Variants in DGKK observed in about 807,000 individuals in gnomAD.
The protein encoded by DGKK is diacylglycerol kinase kappa, also known as 142 kDa diacylglycerol kinase.
In DGKK, 35 loss-of-function variants were observed where a neutral mutation model predicts 92.2. The ratio of observed to expected loss-of-function variants is 0.38; its 90% CI spans 0.29 to 0.50. The LOEUF (loss-of-function observed/expected upper bound fraction) is 0.50. Among genes scored for constraint, DGKK ranks in the 20% least tolerant of loss-of-function variants. DGKK has a pLI of 0.92. For synonymous variants in DGKK, 368 were observed against 360.6 expected (o/e 1.02, Z -0.23); for missense variants, 910 against 992.2 (o/e 0.92, Z 1.11).
At chrX:50,369,428 T>C (rs1360768949) in intron 27 of DGKK, among the ~76,000 whole-genome samples, 1 of 110,504 alleles carries the variant, frequency 9.0e-6, no homozygotes, top group Non-Finnish European at 1.9e-5. Flanking sequence ...CCCTTTCTTT[T>C]TTTCTTTTTT....
intron 1 of DGKK, among the ~76,000 whole-genome samples, chrX:50,450,485 G>A (rs1926471125): frequency 8.9e-6 from 1 of 111,980 alleles, no homozygotes; most frequent in Admixed American, 9.5e-5. Flanking sequence ...TGATCCTGTT[G>A]CAGGATGACA....
Position 50,390,320 on chromosome X carries a change from G to A in DGKK, c.1926+8C>T. 1 of 1,207,185 alleles carries A rather than the reference G, an allele frequency of 8.3e-7. No individual in the cohort carries two copies. The highest frequency in any genetic ancestry group is 1.1e-6 in the Non-Finnish European group (1 of 891,483). On this transcript the variant is annotated splice_region_variant and intron_variant, in intron 12 of 27. Coordinates refer to ENST00000611977, the MANE Select transcript of DGKK (RefSeq NM_001013742.4). ...TATTGGTCTGAATTACAGCTGAACA[G>A]TAGTTACCTCAAATCGTGGTACATC...
chrX:50,386,622 A>G, intron 14 of DGKK, 36 bp from the exon 15 acceptor site: 1 of 1,124,430 alleles, frequency 8.9e-7, no homozygotes. Context: ...CATTGTTATG[A>G]GGGACCCATG....
In DGKK at chrX:50,470,592, A is replaced by T. The variant is rs1285907540; in HGVS notation, c.87T>A (p.Pro29=). ...CCGGTGGTGGTGGCGGCGGCGGCCAAGGCGGCGGAGGCTCTGGAGACTCAG... is the reference window on the plus strand; with the variant it reads ...CCGGTGGTGGTGGCGGCGGCGGCCATGGCGGCGGAGGCTCTGGAGACTCAG... ...QPAESPEPPP[P]WPPPPPPPAP... Residue 29 remains proline (P), a synonymous_variant, in exon 1 of 28, where the codon CCT becomes CCA. Transcript: ENST00000611977. The T allele has an allele frequency of 3.3e-5, 39 of 1,191,550 alleles. No individual in the cohort carries two copies. The highest frequency in any genetic ancestry group is 4.4e-5 in the Non-Finnish European group (39 of 888,838).
chrX:50,368,926 C>G lies in DGKK; in HGVS notation c.*14G>C. 1.7e-6 allele frequency: 2 copies of G among 1,198,334 alleles called. No individual in the cohort carries two copies. The highest frequency in any genetic ancestry group is 2.3e-6 in the Non-Finnish European group (2 of 886,600). ...AGAATTCTCAATGTTGTGAGTTCTTCCAGCTTTCAAGGGCTACAGTTGAGA... is the reference window on the plus strand; with the variant it reads ...AGAATTCTCAATGTTGTGAGTTCTTGCAGCTTTCAAGGGCTACAGTTGAGA... On this transcript the variant is annotated 3_prime_UTR_variant, in exon 28 of 28. Coordinates refer to ENST00000611977, the MANE Select transcript of DGKK (RefSeq NM_001013742.4).
At chrX:50,452,069 T>C (rs930182402) in intron 1 of DGKK, among the ~76,000 whole-genome samples, 1 of 111,838 alleles carries the variant, frequency 8.9e-6, no homozygotes, top group Non-Finnish European at 1.9e-5. Context: ...GATATGTCAT[T>C]TGATCCTTAG....
intron 1 of DGKK, among the ~76,000 whole-genome samples, chrX:50,426,287 C>T (rs1421675181): frequency 8.9e-6 from 1 of 111,801 alleles, no homozygotes; most frequent in Admixed American, 9.5e-5. Context: ...ATTTACACTA[C>T]TACATTCTCT....
intron 26 of DGKK, among the ~76,000 whole-genome samples, chrX:50,371,135 G>A (rs1191219729): frequency 8.9e-6 from 1 of 112,631 alleles, no homozygotes. Context: ...TGCAGGCTCT[G>A]TAATTCCAGC....
At chrX:50,384,371 G>A (rs1223233001) in intron 16 of DGKK, 107 bp from the exon 17 acceptor site, 3 of 498,549 alleles carry the variant, frequency 6.0e-6, no homozygotes, top group Non-Finnish European at 6.5e-6. Flanking sequence ...CAAGCTCAGT[G>A]ACTTTCTCCT....
In DGKK at chrX:50,411,894, A is replaced by G. The variant is rs368793761; in HGVS notation, c.943-7710T>C. Among the ~76,000 whole-genome samples the G allele has an allele frequency of 1.2e-3, 130 of 112,189 alleles. No homozygotes were observed. In the South Asian group the frequency reaches 0.046, roughly 40 times the overall value. On this transcript the variant is annotated intron_variant, in intron 4 of 27. Transcript: ENST00000611977. The stretch of plus-strand genomic sequence containing the variant: ...AGTAAAGTTGCAGGATATAAAATCA[A>G]CATACAAAAATCAGTAGCATTTTAT...
intron 1 of DGKK, among the ~76,000 whole-genome samples, chrX:50,465,948 A>G (rs1270131305): frequency 9.2e-6 from 1 of 108,662 alleles, no homozygotes; most frequent in Non-Finnish European, 1.9e-5. Context: ...AAGGAACTAT[A>G]TAATCCTTAT....
chrX:50,383,424 G>C (rs782400380), intron 17 of DGKK, among the ~76,000 whole-genome samples: 45 of 111,331 alleles, frequency 4.0e-4, no homozygotes, highest in Non-Finnish European at 7.6e-4. Context: ...GCAAGAATGC[G>C]GGTTGGAGAC....
intron 1 of DGKK, among the ~76,000 whole-genome samples, chrX:50,453,659 T>C (rs782608773): frequency 1.8e-5 from 2 of 111,457 alleles, no homozygotes; most frequent in Non-Finnish European, 3.8e-5. Context: ...TGAATATAGA[T>C]GTTCCTTCAT....
At chrX:50,461,631 C>T (rs1301967175) in intron 1 of DGKK, among the ~76,000 whole-genome samples, 1 of 111,444 alleles carries the variant, frequency 9.0e-6, no homozygotes, top group Non-Finnish European at 1.9e-5. Context: ...CAAATAACCA[C>T]CATCTGCATA....
At chrX:50,395,762 A>G (rs1336066653) in intron 8 of DGKK, among the ~76,000 whole-genome samples, 2 of 105,249 alleles carry the variant, frequency 1.9e-5, no homozygotes, top group Non-Finnish European at 1.9e-5. Context: ...AAACTAGCCT[A>G]TGTTAACATT....
chrX:50,370,543 A>AT lies in DGKK; in HGVS notation c.3618dup (p.Ser1207IlefsTer5), dbSNP rs1924096170. 1.7e-6 allele frequency: 2 copies of AT among 1,196,929 alleles called. No homozygotes were observed. Among genetic ancestry groups the AT allele is most frequent in the Non-Finnish European group, 2.3e-6 (2 of 887,992 alleles). On this transcript the variant is annotated frameshift_variant, in exon 27 of 28. Coordinates refer to ENST00000611977, the MANE Select transcript of DGKK (RefSeq NM_001013742.4). LOFTEE classifies it high-confidence loss of function. ...AGGCTTCTACTGTCAGTGTCCGAAG[A>AT]TTTTTCCTGAGAAACCACAAGAGGA...
chrX:50,433,430 C>A (rs148890620), intron 1 of DGKK, among the ~76,000 whole-genome samples: 226 of 111,633 alleles, frequency 2.0e-3, no homozygotes, highest in Non-Finnish European at 3.3e-3. Flanking sequence ...AGTGAAGGTG[C>A]CCTATAACTG....
chrX:50,401,743 A>C (rs1557226657), intron 7 of DGKK, among the ~76,000 whole-genome samples: 1 of 109,727 alleles, frequency 9.1e-6, no homozygotes, highest in African/African-American at 3.3e-5. Flanking sequence ...GTTATTCAAA[A>C]GCAATTGAAA....
At chrX:50,370,020 T>A (rs782426123) in intron 27 of DGKK, among the ~76,000 whole-genome samples, 1 of 112,045 alleles carries the variant, frequency 8.9e-6, no homozygotes, top group Non-Finnish European at 1.9e-5. Flanking sequence ...TAAGGCCAAT[T>A]CTGAAGAAAG....
Sources: gnomAD v4.1 joint callset for allele counts (sites outside exome capture counted in the v4.1 genomes callset) on GRCh38, gnomAD v4.1.1 for gene constraint, MANE v1.5 for transcripts, NCBI Gene and HGNC (gene_info 2026-07-23, HGNC 2026-07-21) for gene names.